The following POGZ variants were observed in gnomAD, a reference collection of about 807,000 sequenced individuals.
POGZ encodes pogo transposable element derived with ZNF domain.
Under a neutral mutation model 134.6 loss-of-function variants are expected in POGZ, and 17 were observed. That is an observed-to-expected ratio of 0.13 (90% CI 0.09 to 0.19). The LOEUF (loss-of-function observed/expected upper bound fraction) is 0.19, where lower values mean the gene tolerates loss of function less well. Ranked by LOEUF, POGZ falls within the 10% of genes least tolerant of loss-of-function variation. The probability of loss-of-function intolerance (pLI) is 1.00; values close to 1 mark genes in which losing one functional copy is unlikely to be tolerated. For synonymous variants in POGZ, 693 were observed against 657.1 expected (o/e 1.05, Z -0.84); for missense variants, 1,306 against 1,769.7 (o/e 0.74, Z 4.70).
intron 1 of POGZ, among the ~76,000 whole-genome samples, chr1:151,447,486 G>GTC (rs1308388725): frequency 6.6e-6 from 1 of 151,234 alleles, no homozygotes; most frequent in Non-Finnish European, 1.5e-5. Context: ...GTGAGATGTG[G>GTC]TCTCATCCAG....
intron 3 of POGZ, 61 bp from the exon 4 acceptor site, chr1:151,430,902 T>G (rs1012870705): frequency 8.3e-6 from 8 of 969,640 alleles, no homozygotes; most frequent in Admixed American, 4.2e-5. Context: ...ACCCACATTT[T>G]ACTTTATTTT....
intron 12 of POGZ, 53 bp downstream of exon 12, chr1:151,411,572 T>C (rs1654673264): frequency 1.5e-6 from 2 of 1,297,728 alleles, no homozygotes; most frequent in East Asian, 2.4e-5. Flanking sequence ...CCAGCATCCA[T>C]GTTTAAAAAA....
intron 10 of POGZ, among the ~76,000 whole-genome samples, chr1:151,416,028 A>G (rs1277130999): frequency 6.6e-6 from 1 of 151,584 alleles, no homozygotes; most frequent in East Asian, 1.9e-4. Flanking sequence ...AGCCTGGCCA[A>G]CATGGCGAAA....
intron 12 of POGZ, among the ~76,000 whole-genome samples, chr1:151,410,536 G>A (rs1418438622): frequency 6.7e-6 from 1 of 149,310 alleles, no homozygotes; most frequent in Non-Finnish European, 1.5e-5. Context: ...GTACTATGGT[G>A]GTTGCTTTAT....
intron 3 of POGZ, among the ~76,000 whole-genome samples, chr1:151,436,540 T>A (rs1659622506): frequency 6.6e-6 from 1 of 152,076 alleles, no homozygotes; most frequent in Non-Finnish European, 1.5e-5. Context: ...GCCTCCCGAG[T>A]GCAAACGATT....
chr1:151,457,976 C>T (rs1300982404), intron 1 of POGZ, among the ~76,000 whole-genome samples: 2 of 151,280 alleles, frequency 1.3e-5, no homozygotes, highest in East Asian at 1.9e-4. Flanking sequence ...TTTTGAGCGG[C>T]GGTAAGAGGT....
chr1:151,442,110 T>A lies in POGZ; in HGVS notation c.95A>T (p.Asp32Val). ...SDVIEDSVVE[D>V]YNSVDKTTTV... ...GGTAGTTTTATCCACTGAATTATAA[T>A]CTTCAACTACAGAGTCCTCAATGAC... The change falls in exon 2 of 19, where the codon GAT becomes GTT. Residue 32 changes from aspartate (D) to valine (V), a missense_variant. Coordinates refer to ENST00000271715, the MANE Select transcript of POGZ (RefSeq NM_015100.4). The A allele has an allele frequency of 6.2e-7, 1 of 1,604,808 alleles. No homozygotes were observed. Among genetic ancestry groups the A allele is most frequent in the Non-Finnish European group, 8.5e-7 (1 of 1,171,560 alleles).
At chr1:151,415,197 TAA>T (rs1397949614) in intron 10 of POGZ, among the ~76,000 whole-genome samples, 3 of 152,218 alleles carry the variant, frequency 2.0e-5, no homozygotes. Flanking sequence ...CTCCGACTCC[TAA>T]ACATGGTTAA....
At chr1:151,447,982 AT>A (rs2102402228) in intron 1 of POGZ, among the ~76,000 whole-genome samples, 1 of 152,140 alleles carries the variant, frequency 6.6e-6, no homozygotes, top group Non-Finnish European at 1.5e-5. Context: ...AGAACCAACC[AT>A]TTCTTCAAGG....
At chr1:151,451,475 C>T (rs572806037) in intron 1 of POGZ, among the ~76,000 whole-genome samples, 12 of 151,622 alleles carry the variant, frequency 7.9e-5, no homozygotes, top group Non-Finnish European at 1.2e-4. Context: ...TACAGGCATG[C>T]GTTACCATGC....
At chr1:151,454,773 T>TTAG (rs1302972968) in intron 1 of POGZ, among the ~76,000 whole-genome samples, 1 of 152,166 alleles carries the variant, frequency 6.6e-6, no homozygotes, top group African/African-American at 2.4e-5. Context: ...TAGCAATAGG[T>TTAG]TAGTGTCTCT....
chr1:151,458,783 G>A (rs1376270984), intron 1 of POGZ, among the ~76,000 whole-genome samples: 64 of 145,474 alleles, frequency 4.4e-4, no homozygotes, highest in African/African-American at 1.5e-3. Context: ...TGGACGTCGG[G>A]CTGTGTGCGG....
chr1:151,442,432 G>T, intron 1 of POGZ: 1 of 350,626 alleles, frequency 2.9e-6, no homozygotes. Flanking sequence ...GTTACAGGCC[G>T]GGCATGGTGG....
intron 10 of POGZ, among the ~76,000 whole-genome samples, chr1:151,417,525 T>A (rs1281424509): frequency 6.6e-6 from 1 of 151,944 alleles, no homozygotes; most frequent in Admixed American, 6.6e-5. Context: ...CATGCCCAAC[T>A]AATTTTTTGT....
rs1657539811 is a variant in POGZ at position 151,425,057 on chromosome 1, G to C, written c.1083C>G (p.Thr361=). 1 of 1,512,646 alleles carries C rather than the reference G, an allele frequency of 6.6e-7. No homozygotes were observed. Among genetic ancestry groups the C allele is most frequent in the African/African-American group, 1.4e-5 (1 of 73,072 alleles). The allele number at this position is 1,512,646 out of a possible 1,614,324, so 93.7% of individuals were successfully genotyped here. A position where few individuals can be genotyped will look rare whatever the true frequency, so the allele number is the denominator to read the frequency against. ...TSGPESSMKV[T]SSIPVFDLQD... is the part of the protein sequence containing the mutation. Reference sequence around the variant, plus strand: ...GGAGGTCAAATACTGGGATGGAAGAGGTCACTGAAAGAAGTGAGAAGAATT... The same window carrying C: ...GGAGGTCAAATACTGGGATGGAAGACGTCACTGAAAGAAGTGAGAAGAATT... Residue 361 remains threonine, a synonymous_variant, in exon 8 of 19, where the codon ACC becomes ACG. Transcript: ENST00000271715.
At chr1:151,430,064 T>C (rs1006460301) in intron 4 of POGZ, among the ~76,000 whole-genome samples, 9 of 152,088 alleles carry the variant, frequency 5.9e-5, no homozygotes, top group African/African-American at 1.7e-4. Flanking sequence ...CAATGTTCAC[T>C]GGAGTGATTC....
chr1:151,458,812 C>A (rs1663123374), intron 1 of POGZ, among the ~76,000 whole-genome samples: 1 of 145,272 alleles, frequency 6.9e-6, no homozygotes, highest in African/African-American at 2.5e-5. Context: ...GGCGCGAGTG[C>A]GCGCGCGCGC....
intron 1 of POGZ, among the ~76,000 whole-genome samples, chr1:151,449,443 A>G (rs1661731909): frequency 6.6e-6 from 1 of 152,108 alleles, no homozygotes; most frequent in Non-Finnish European, 1.5e-5. Context: ...ACATCCTACA[A>G]TGCATAGGAT....
chr1:151,412,567 A>T (rs752276865), intron 10 of POGZ, among the ~76,000 whole-genome samples, 171 bp from the exon 11 acceptor site: 2 of 152,164 alleles, frequency 1.3e-5, no homozygotes, highest in Non-Finnish European at 2.9e-5. Flanking sequence ...TATGTTGCTG[A>T]TAATCTTATG....
Sources: allele counts gnomAD v4.1 joint callset (sites outside exome capture counted in the v4.1 genomes callset), GRCh38; gene constraint gnomAD v4.1.1; transcripts MANE v1.5; gene names NCBI Gene and HGNC (gene_info 2026-07-23, HGNC 2026-07-21).